Variants in KCNIP4 observed in about 807,000 individuals in gnomAD.
KCNIP4 encodes potassium voltage-gated channel interacting protein 4.
Under a neutral mutation model 34.0 loss-of-function variants are expected in KCNIP4, and 12 were observed. The ratio of observed to expected loss-of-function variants is 0.35; its 90% CI spans 0.23 to 0.57. The LOEUF is 0.57. Ranked by LOEUF, KCNIP4 falls within the 20% of genes least tolerant of loss-of-function variation. The pLI is 0.83. For missense variants in KCNIP4, 238 were observed against 311.7 expected (o/e 0.76, Z 1.78); for synonymous variants, 124 against 102.2 (o/e 1.21, Z -1.29).
chr4:21,192,943 C>G (rs377017720), intron 1 of KCNIP4, among the ~76,000 whole-genome samples: 1 of 145,292 alleles, frequency 6.9e-6, no homozygotes, highest in African/African-American at 2.6e-5. Context: ...ACTACTACTA[C>G]TACTACTACT....
chr4:20,800,173 A>G (rs1323234086), intron 3 of KCNIP4, among the ~76,000 whole-genome samples: 1 of 152,262 alleles, frequency 6.6e-6, no homozygotes, highest in Non-Finnish European at 1.5e-5. Context: ...GTCAGTCATC[A>G]CTGACACTGA....
At chr4:21,012,452 C>T (rs573638449) in intron 1 of KCNIP4, among the ~76,000 whole-genome samples, 9 of 152,160 alleles carry the variant, frequency 5.9e-5, no homozygotes, top group African/African-American at 2.2e-4. Flanking sequence ...GATGTGGTGG[C>T]GTGCATCTGT....
chr4:21,439,383 A>G (rs948293572), intron 1 of KCNIP4, among the ~76,000 whole-genome samples: 6 of 152,138 alleles, frequency 3.9e-5, no homozygotes, highest in Admixed American at 2.6e-4. Context: ...TAAGTCTATC[A>G]CAGTAAATGA....
At chr4:21,253,313 G>A (rs1760847516) in intron 1 of KCNIP4, among the ~76,000 whole-genome samples, 1 of 152,096 alleles carries the variant, frequency 6.6e-6, no homozygotes. Flanking sequence ...TATAAAATGT[G>A]GTACCCCCTA....
At position 21,614,494 on chromosome 4, in the gene KCNIP4, A is replaced by T. The variant is rs986267913; in HGVS notation, c.61+334077T>A. Among the ~76,000 whole-genome samples the T allele has an allele frequency of 4.7e-5, 7 of 148,330 alleles. No individual in the cohort carries two copies. The South Asian group carries it at 6.3e-4, about 13-fold the overall frequency. ...TTGAGCTATATATATATAAGTATTT[A>T]TATATATAATATATATAGCTTAAAT... On this transcript the variant is annotated intron_variant, in intron 1 of 8. Transcript: ENST00000382152.
chr4:21,689,975 C>T (rs1751137161), intron 1 of KCNIP4, among the ~76,000 whole-genome samples: 1 of 151,912 alleles, frequency 6.6e-6, no homozygotes, highest in Non-Finnish European at 1.5e-5. Flanking sequence ...CCTGATGTCA[C>T]TGCTATATCT....
intron 1 of KCNIP4, among the ~76,000 whole-genome samples, chr4:21,101,507 C>T (rs1309086997): frequency 6.6e-6 from 1 of 151,936 alleles, no homozygotes; most frequent in Non-Finnish European, 1.5e-5. Context: ...CATAAGAGTG[C>T]AAGTATATAT....
At chr4:21,406,476 C>A (rs770625452) in intron 1 of KCNIP4, among the ~76,000 whole-genome samples, 1 of 152,076 alleles carries the variant, frequency 6.6e-6, no homozygotes, top group Non-Finnish European at 1.5e-5. Flanking sequence ...AGCAAATAGG[C>A]CAGTTTCAAT....
intron 3 of KCNIP4, among the ~76,000 whole-genome samples, chr4:20,785,295 C>A (rs1439833629): frequency 6.6e-6 from 1 of 151,414 alleles, no homozygotes; most frequent in African/African-American, 2.4e-5. Context: ...ACTGCTAGCA[C>A]TTCCCTACTT....
intron 1 of KCNIP4, among the ~76,000 whole-genome samples, chr4:21,440,383 A>T (rs1727353503): frequency 6.6e-6 from 1 of 152,248 alleles, no homozygotes; most frequent in Admixed American, 6.5e-5. Context: ...ATCAAAAGCT[A>T]TCAATTGTCA....
At chr4:20,994,311 C>A (rs972529455) in intron 1 of KCNIP4, among the ~76,000 whole-genome samples, 1 of 152,056 alleles carries the variant, frequency 6.6e-6, no homozygotes, top group Non-Finnish European at 1.5e-5. Context: ...CTGAAGCTCA[C>A]GAAGACAGAG....
intron 1 of KCNIP4, among the ~76,000 whole-genome samples, chr4:21,125,595 A>G (rs534950545): frequency 6.6e-6 from 1 of 152,276 alleles, no homozygotes; most frequent in African/African-American, 2.4e-5. Flanking sequence ...AGTTAGAGCA[A>G]TTGCATTTCC....
intron 1 of KCNIP4, among the ~76,000 whole-genome samples, chr4:21,757,344 T>TAC (rs2109160605): frequency 6.6e-6 from 1 of 152,260 alleles, no homozygotes; most frequent in Admixed American, 6.5e-5. Flanking sequence ...TCATTCAGGA[T>TAC]ACCTCTTTGT....
At chr4:21,753,193 C>T (rs1406846501) in intron 1 of KCNIP4, among the ~76,000 whole-genome samples, 1 of 152,156 alleles carries the variant, frequency 6.6e-6, no homozygotes, top group Non-Finnish European at 1.5e-5. Context: ...GCTCCTCATG[C>T]ATAATCTGCA....
intron 5 of KCNIP4, among the ~76,000 whole-genome samples, chr4:20,740,540 C>A (rs551588641): frequency 1.1e-4 from 16 of 152,100 alleles, no homozygotes; most frequent in Non-Finnish European, 1.8e-4. Flanking sequence ...ATTTTGTCAC[C>A]GCCAGGCCTG....
chr4:21,251,370 G>A (rs938761301), intron 1 of KCNIP4, among the ~76,000 whole-genome samples: 1 of 151,828 alleles, frequency 6.6e-6, no homozygotes, highest in African/African-American at 2.4e-5. Flanking sequence ...TTACTTTAAC[G>A]GATAAAACAA....
intron 1 of KCNIP4, among the ~76,000 whole-genome samples, chr4:21,370,991 G>T (rs1720388763): frequency 1.4e-5 from 2 of 138,516 alleles, no homozygotes; most frequent in African/African-American, 6.4e-5. Flanking sequence ...GAAGGGGTAG[G>T]GATCTAGCTC....
chr4:21,412,664 T>C (rs994032885), intron 1 of KCNIP4, among the ~76,000 whole-genome samples: 5 of 152,228 alleles, frequency 3.3e-5, no homozygotes, highest in Non-Finnish European at 7.3e-5. Flanking sequence ...GTTTCTATGA[T>C]ATGTAGATGC....
chr4:21,623,805 G>A (rs180959423), intron 1 of KCNIP4, among the ~76,000 whole-genome samples: 1 of 152,246 alleles, frequency 6.6e-6, no homozygotes. Context: ...TTACAGAGAA[G>A]CTTAGGAAGC....
Sources: gnomAD v4.1 joint callset for allele counts (sites outside exome capture counted in the v4.1 genomes callset) on GRCh38, gnomAD v4.1.1 for gene constraint, MANE v1.5 for transcripts, NCBI Gene and HGNC (gene_info 2026-07-23, HGNC 2026-07-21) for gene names.